SYT14: variants seen among roughly 807,000 people sequenced by gnomAD.
SYT14 encodes synaptotagmin 14, also known as synaptotagmin-14.
Under a neutral mutation model 74.2 loss-of-function variants are expected in SYT14, and 32 were observed. The ratio of observed to expected loss-of-function variants is 0.43; its 90% CI spans 0.33 to 0.58. The LOEUF (loss-of-function observed/expected upper bound fraction) is 0.58. Ranked by LOEUF, SYT14 falls within the 20% of genes least tolerant of loss-of-function variation. The pLI is 0.05. For missense variants in SYT14, 791 were observed against 981.8 expected (o/e 0.81, Z 2.60); for synonymous variants, 298 against 337.7 (o/e 0.88, Z 1.29).
At position 210,135,648 on chromosome 1, in the gene SYT14, T is replaced by G. The variant is rs1303561020; in HGVS notation, c.2035-20073T>G. ...TTCTTCTTTTCATGCTTGATAATTT[T>G]TAATGGATCCCAGATATTGTGGATT... On this transcript the variant is annotated intron_variant, in intron 7 of 9. Coordinates refer to ENST00000637265, the Ensembl canonical transcript of SYT14. Among the ~76,000 whole-genome samples, 6 of 152,232 alleles carry G rather than the reference T, an allele frequency of 3.9e-5. No homozygotes were observed. The East Asian group carries it at 9.6e-4, about 24-fold the overall frequency.
At chr1:209,972,949 C>T (rs553907921) in intron 2 of SYT14, among the ~76,000 whole-genome samples, 37 of 152,182 alleles carry the variant, frequency 2.4e-4, no homozygotes, top group Non-Finnish European at 4.3e-4. Flanking sequence ...AGTGGGGTAT[C>T]GAAGTCCCTC....
chr1:210,052,594 G>A (rs547451667), intron 5 of SYT14, among the ~76,000 whole-genome samples: 4 of 139,910 alleles, frequency 2.9e-5, no homozygotes, highest in South Asian at 4.6e-4. Context: ...ACCCAGAGCC[G>A]GAGATTGCAG....
chr1:210,170,900 T>G (rs528636519), exon 10 of SYT14: 1 of 152,280 alleles, frequency 6.6e-6, no homozygotes, highest in Admixed American at 6.5e-5. Context: ...GACTTACAAA[T>G]GCAAACATTT....
intron 2 of SYT14, among the ~76,000 whole-genome samples, chr1:210,001,167 AT>A (rs1346059125): frequency 3.3e-5 from 5 of 152,072 alleles, no homozygotes; most frequent in African/African-American, 1.2e-4. Context: ...GAATTGTAAT[AT>A]ATTTTCATGA....
At chr1:209,979,401 G>C (rs187746845) in intron 2 of SYT14, among the ~76,000 whole-genome samples, 22 of 152,192 alleles carry the variant, frequency 1.4e-4, no homozygotes, top group Admixed American at 1.1e-3. Flanking sequence ...TGTTGTTATG[G>C]ATGAGATGGT....
intron 2 of SYT14, among the ~76,000 whole-genome samples, chr1:210,008,923 C>T (rs2080037391): frequency 6.6e-6 from 1 of 152,078 alleles, no homozygotes; most frequent in Non-Finnish European, 1.5e-5. Context: ...TGATGGTGTA[C>T]AGCAGGGGTG....
chr1:209,952,643 T>G (rs2078930545), intron 1 of SYT14, 66 bp from the exon 2 acceptor site: 1 of 1,391,946 alleles, frequency 7.2e-7, no homozygotes, highest in Admixed American at 1.7e-5. Flanking sequence ...TTAAAATGAT[T>G]CTTTGTAACA....
intron 5 of SYT14, among the ~76,000 whole-genome samples, chr1:210,047,895 A>G (rs1368474068): frequency 6.6e-6 from 1 of 152,166 alleles, no homozygotes; most frequent in Admixed American, 6.5e-5. Flanking sequence ...CAGGAATACT[A>G]TGTCAGTGAG....
intron 2 of SYT14, among the ~76,000 whole-genome samples, chr1:210,003,536 CT>C (rs1371972094): frequency 2.0e-5 from 3 of 152,102 alleles, no homozygotes; most frequent in African/African-American, 7.2e-5. Context: ...TATTTGGATA[CT>C]GTGTAACAGG....
chr1:210,128,385 A>C (rs1383624103), intron 7 of SYT14, among the ~76,000 whole-genome samples: 1 of 152,128 alleles, frequency 6.6e-6, no homozygotes, highest in African/African-American at 2.4e-5. Context: ...TCAAAAAAAA[A>C]AAAAAGTAGA....
chr1:209,999,716 T>C (rs2079859527), intron 2 of SYT14, among the ~76,000 whole-genome samples: 1 of 151,988 alleles, frequency 6.6e-6, no homozygotes, highest in African/African-American at 2.4e-5. Context: ...CTCATAGAGG[T>C]AGAGAGTAGA....
intron 5 of SYT14, among the ~76,000 whole-genome samples, chr1:210,083,198 G>T (rs1485066959): frequency 1.3e-5 from 2 of 152,074 alleles, no homozygotes; most frequent in African/African-American, 2.4e-5. Flanking sequence ...CACTATCTTG[G>T]CCAGGCTGGT....
chr1:210,139,767 C>A (rs2082877224), intron 7 of SYT14, among the ~76,000 whole-genome samples: 1 of 152,082 alleles, frequency 6.6e-6, no homozygotes, highest in Admixed American at 6.6e-5. Flanking sequence ...TTTTACTTAG[C>A]ATGATGTTTT....
chr1:210,161,302 A>C (rs1445507951), exon 10 of SYT14: 6 of 588,708 alleles, frequency 1.0e-5, no homozygotes, highest in Non-Finnish European at 1.9e-5. Flanking sequence ...AAATTTAATA[A>C]GATGTTTTTG....
intron 5 of SYT14, among the ~76,000 whole-genome samples, chr1:210,059,092 T>C (rs191499070): frequency 2.6e-5 from 4 of 152,198 alleles, no homozygotes; most frequent in Admixed American, 2.0e-4. Flanking sequence ...AACTTAGATA[T>C]AGAGAGGAAA....
At chr1:209,952,936 G>C (rs749610631) in intron 2 of SYT14, 180 bp downstream of exon 2, 27 of 1,104,506 alleles carry the variant, frequency 2.4e-5, no homozygotes, top group African/African-American at 3.1e-5. Context: ...TGTGATTATT[G>C]AGAGTTGTTG....
At chr1:210,087,308 T>G (rs1266787902) in intron 5 of SYT14, among the ~76,000 whole-genome samples, 1 of 152,192 alleles carries the variant, frequency 6.6e-6, no homozygotes, top group East Asian at 1.9e-4. Flanking sequence ...CACCTTACCC[T>G]GCTCAGGCTC....
At chr1:210,094,191 T>G (rs973277731) in intron 5 of SYT14, 131 bp from the exon 5 acceptor site, 1 of 1,196,728 alleles carries the variant, frequency 8.4e-7, no homozygotes, top group Non-Finnish European at 1.2e-6. Context: ...AGAGAAGTCA[T>G]TAGTAAATCT....
intron 2 of SYT14, among the ~76,000 whole-genome samples, chr1:209,972,412 G>T (rs948470421): frequency 2.6e-5 from 4 of 151,738 alleles, no homozygotes; most frequent in African/African-American, 9.7e-5. Context: ...AGGTTAGTTT[G>T]TTCTTGTTTT....
Sources: allele counts gnomAD v4.1 joint callset (sites outside exome capture counted in the v4.1 genomes callset), GRCh38; gene constraint gnomAD v4.1.1; transcripts MANE v1.5; gene names NCBI Gene and HGNC (gene_info 2026-07-23, HGNC 2026-07-21).